The following FTO variants were observed in gnomAD, a reference collection of about 807,000 sequenced individuals.
FTO encodes the protein alpha-ketoglutarate-dependent dioxygenase FTO.
A neutral mutation model predicts 63.9 loss-of-function variants in FTO; 47 were observed. The ratio of observed to expected loss-of-function variants is 0.74; its 90% confidence interval spans 0.58 to 0.94. FTO has a LOEUF of 0.94. FTO is among the 40% of genes least tolerant of loss of function. The probability of loss-of-function intolerance (pLI) is 0.00; values close to 1 mark genes in which losing one functional copy is unlikely to be tolerated. For synonymous variants in FTO, 207 were observed against 224.4 expected (o/e 0.92, Z 0.69); for missense variants, 562 against 618.1 (o/e 0.91, Z 0.96).
chr16:53,786,390 A>C (rs1009736458), intron 1 of FTO, among the ~76,000 whole-genome samples: 1 of 152,200 alleles, frequency 6.6e-6, no homozygotes, highest in Non-Finnish European at 1.5e-5. Context: ...CATGGATTCA[A>C]TGCAAAATGG....
At chr16:54,024,083 T>C (rs2084659072) in intron 8 of FTO, among the ~76,000 whole-genome samples, 1 of 151,870 alleles carries the variant, frequency 6.6e-6, no homozygotes, top group South Asian at 2.1e-4. Context: ...GGAATAATGC[T>C]GCAATAAAAA....
intron 1 of FTO, among the ~76,000 whole-genome samples, chr16:53,773,188 G>A (rs192340794): frequency 1.3e-5 from 2 of 151,848 alleles, no homozygotes; most frequent in East Asian, 3.9e-4. Flanking sequence ...TAAAATATAT[G>A]TATGCTTTAA....
At chr16:53,823,810 C>G (rs2078930542) in intron 2 of FTO, among the ~76,000 whole-genome samples, 1 of 152,054 alleles carries the variant, frequency 6.6e-6, no homozygotes, top group South Asian at 2.1e-4. Flanking sequence ...CACTTGAACC[C>G]AGGAGTGGAG....
chr16:53,789,101 G>A (rs925864905), intron 1 of FTO, among the ~76,000 whole-genome samples: 1 of 152,106 alleles, frequency 6.6e-6, no homozygotes, highest in South Asian at 2.1e-4. Context: ...CTCAAGTGAG[G>A]ACTTCATGTG....
chr16:53,802,344 A>G (rs1179087694), intron 1 of FTO, among the ~76,000 whole-genome samples: 1 of 152,186 alleles, frequency 6.6e-6, no homozygotes, highest in East Asian at 1.9e-4. Context: ...AAAAGTCTGC[A>G]CATGTTTGGT....
chr16:53,926,365 C>T (rs1240024546), intron 7 of FTO, among the ~76,000 whole-genome samples: 3 of 152,248 alleles, frequency 2.0e-5, no homozygotes, highest in Non-Finnish European at 4.4e-5. Context: ...TCATTAGCTT[C>T]ACTCCCCAGA....
chr16:53,841,791 C>A (rs1294130708), intron 3 of FTO, among the ~76,000 whole-genome samples: 4 of 152,144 alleles, frequency 2.6e-5, no homozygotes, highest in Non-Finnish European at 4.4e-5. Flanking sequence ...GGAAAACATG[C>A]TTTATTGTGC....
chr16:54,013,910 G>T (rs2084380955), intron 8 of FTO, among the ~76,000 whole-genome samples: 1 of 152,118 alleles, frequency 6.6e-6, no homozygotes, highest in Non-Finnish European at 1.5e-5. Context: ...CTGCAATATT[G>T]TCAATGTGTG....
intron 8 of FTO, among the ~76,000 whole-genome samples, chr16:54,100,048 C>G (rs1212105228): frequency 6.6e-6 from 1 of 152,170 alleles, no homozygotes; most frequent in Non-Finnish European, 1.5e-5. Context: ...TCTTAAGAGT[C>G]ACCTATGAAA....
rs556357629 is a variant in FTO at position 53,815,636 on chromosome 16, G to GTTTTTTTTTTTTTT, written c.123+5436_123+5449dup. 1.6e-4 allele frequency among the ~76,000 whole-genome samples: 16 copies of GTTTTTTTTTTTTTT among 98,158 alleles called. 2 individuals are homozygous for GTTTTTTTTTTTTTT. The highest frequency in any genetic ancestry group is 7.0e-4 in the African/African-American group (13 of 18,542). 64.4% of individuals were successfully genotyped at this position (98,158 alleles called of 152,430 possible). A position where few individuals can be genotyped will look rare whatever the true frequency, so the allele number is the denominator to read the frequency against. The stretch of plus-strand genomic sequence containing the variant: ...ACCCTATAAGGCCATTGACTTTCTT[G>GTTTTTTTTTTTTTT]TTTTTTTTTTTTTTTTTTTTTTTTT... On this transcript the variant is annotated intron_variant, in intron 2 of 8. Coordinates refer to ENST00000471389, the MANE Select transcript of FTO (RefSeq NM_001080432.3).
At chr16:54,107,047 A>T (rs1481979944) in intron 8 of FTO, among the ~76,000 whole-genome samples, 1 of 146,818 alleles carries the variant, frequency 6.8e-6, no homozygotes, top group Non-Finnish European at 1.5e-5. Context: ...ATAGTATAAA[A>T]TACGTATATA....
chr16:53,989,724 G>T (rs977444500), intron 8 of FTO, among the ~76,000 whole-genome samples: 1 of 151,976 alleles, frequency 6.6e-6, no homozygotes. Flanking sequence ...CCACTTATAC[G>T]TGGATCTTTC....
intron 1 of FTO, among the ~76,000 whole-genome samples, chr16:53,746,093 C>G (rs2076645589): frequency 6.6e-6 from 1 of 152,204 alleles, no homozygotes; most frequent in Admixed American, 6.5e-5. Flanking sequence ...AAGTTTTCCT[C>G]TAGAGGAGTG....
intron 1 of FTO, among the ~76,000 whole-genome samples, chr16:53,782,363 C>A (rs8050136): frequency 0.4 from 60,234 of 152,066 alleles, 12,270 homozygotes; most frequent in African/African-American, 0.44. Context: ...CTGTGGCAAT[C>A]AATATCTGAG....
At chr16:53,934,298 G>A (rs1275442023) in intron 8 of FTO, among the ~76,000 whole-genome samples, 189 bp downstream of exon 8, 1 of 152,156 alleles carries the variant, frequency 6.6e-6, no homozygotes, top group Non-Finnish European at 1.5e-5. Flanking sequence ...ATGATCCATT[G>A]ACGTCATCAG....
intron 7 of FTO, among the ~76,000 whole-genome samples, chr16:53,918,158 T>C (rs1267115271): frequency 6.6e-6 from 1 of 152,186 alleles, no homozygotes; most frequent in Non-Finnish European, 1.5e-5. Flanking sequence ...AATGAAAAGA[T>C]AATAGCACAG....
At chr16:54,018,591 C>A (rs888668577) in intron 8 of FTO, among the ~76,000 whole-genome samples, 1 of 152,096 alleles carries the variant, frequency 6.6e-6, no homozygotes, top group Non-Finnish European at 1.5e-5. Context: ...GGGAGAGACC[C>A]AGTGGGAGGT....
intron 1 of FTO, among the ~76,000 whole-genome samples, chr16:53,782,570 A>G (rs982533641): frequency 5.3e-5 from 8 of 152,246 alleles, no homozygotes; most frequent in African/African-American, 1.4e-4. Flanking sequence ...AATAGAATAT[A>G]CAATCTCAGG....
intron 7 of FTO, among the ~76,000 whole-genome samples, chr16:53,901,027 A>G (rs1306533252): frequency 6.6e-6 from 1 of 152,230 alleles, no homozygotes; most frequent in Non-Finnish European, 1.5e-5. Context: ...AGTGCTAAAC[A>G]TGTGCAACTA....
Sources: allele counts gnomAD v4.1 joint callset (sites outside exome capture counted in the v4.1 genomes callset), GRCh38; gene constraint gnomAD v4.1.1; transcripts MANE v1.5; gene names NCBI Gene and HGNC (gene_info 2026-07-23, HGNC 2026-07-21).